The following WSB2 variants were observed in gnomAD, a reference collection of about 807,000 sequenced individuals.
WSB2 encodes WD repeat and SOCS box-containing protein 2.
A neutral mutation model predicts 48.8 loss-of-function variants in WSB2; 12 were observed. The observed-to-expected ratio is 0.25, with a 90% CI of 0.16 to 0.40. The LOEUF (loss-of-function observed/expected upper bound fraction) is 0.40. Among genes scored for constraint, WSB2 ranks in the 10% least tolerant of loss-of-function variants. WSB2 has a pLI of 1.00. For synonymous variants in WSB2, 191 were observed against 203.1 expected (o/e 0.94, Z 0.51); for missense variants, 317 against 506.2 (o/e 0.63, Z 3.59).
At chr12:118,050,512 G>A (rs548319382) in intron 2 of WSB2, among the ~76,000 whole-genome samples, 49 of 152,096 alleles carry the variant, frequency 3.2e-4, no homozygotes, top group East Asian at 1.5e-3. Context: ...ATGGTGGCGC[G>A]CCTGTAGTAT....
At chr12:118,061,006 G>A in intron 1 of WSB2, 30 bp downstream of exon 1, 1 of 973,616 alleles carries the variant, frequency 1.0e-6, no homozygotes, top group Non-Finnish European at 1.2e-6. Context: ...GCCCCGCCGG[G>A]CGGGAACGGG....
At chr12:118,044,830 C>T (rs1389010479) in intron 2 of WSB2, among the ~76,000 whole-genome samples, 1 of 152,184 alleles carries the variant, frequency 6.6e-6, no homozygotes, top group Non-Finnish European at 1.5e-5. Flanking sequence ...ACCCTGACCA[C>T]ACTCTGGTTG....
upstream of WSB2, chr12:118,061,289 G>C (rs1362739682): frequency 1.3e-6 from 1 of 759,364 alleles, no homozygotes; most frequent in Non-Finnish European, 1.6e-6. Flanking sequence ...TGAGGGAAAA[G>C]ATGGAAAATC....
rs763159456 is a variant in WSB2 at position 118,043,357 on chromosome 12, G to A, written c.203C>T (p.Ala68Val). Reference sequence around the variant, plus strand: ...CTCATTTTTGCTACTTCGGCTTTTGGCTTCAAACCCTTTAGGGATGCTGGG... The same window carrying A: ...CTCATTTTTGCTACTTCGGCTTTTGACTTCAAACCCTTTAGGGATGCTGGG... ...EEQFIPKGFE[A>V]KSRSSKNETK... is the part of the protein sequence containing the mutation. The change falls in exon 3 of 9, where the codon GCC (alanine) becomes GTC (valine). Residue 68 changes from alanine to valine, a missense_variant. Coordinates refer to ENST00000315436, the MANE Select transcript of WSB2 (RefSeq NM_018639.5). The A allele has an allele frequency of 6.3e-7, 1 of 1,576,252 alleles. No homozygotes were observed. Among genetic ancestry groups the A allele is most frequent in the Non-Finnish European group, 8.6e-7 (1 of 1,162,484 alleles).
chr12:118,046,290 A>G (rs534257926), intron 2 of WSB2, among the ~76,000 whole-genome samples: 170 of 151,962 alleles, frequency 1.1e-3, no homozygotes, highest in African/African-American at 4.0e-3. Context: ...GTGATACCCC[A>G]TCTCTACTAA....
intron 5 of WSB2, among the ~76,000 whole-genome samples, chr12:118,036,733 T>C (rs1315102976): frequency 6.6e-6 from 1 of 152,176 alleles, no homozygotes; most frequent in Non-Finnish European, 1.5e-5. Context: ...AGGAGCTCAC[T>C]ATAAGAGAGA....
chr12:118,059,592 C>G (rs962724916), intron 1 of WSB2, among the ~76,000 whole-genome samples: 8 of 152,154 alleles, frequency 5.3e-5, no homozygotes, highest in Admixed American at 3.9e-4. Flanking sequence ...TGCCCACACC[C>G]TCAAAACGAA....
At chr12:118,055,418 G>C (rs2031937198) in intron 1 of WSB2, among the ~76,000 whole-genome samples, 1 of 152,142 alleles carries the variant, frequency 6.6e-6, no homozygotes, top group African/African-American at 2.4e-5. Context: ...GACTGATCTA[G>C]AGAAACATTT....
chr12:118,058,826 A>G (rs1467344021), intron 1 of WSB2, among the ~76,000 whole-genome samples: 1 of 151,614 alleles, frequency 6.6e-6, no homozygotes, highest in Non-Finnish European at 1.5e-5. Flanking sequence ...CCTCCTGAGT[A>G]GCTGGGATTA....
intron 2 of WSB2, among the ~76,000 whole-genome samples, chr12:118,046,866 G>A (rs565517926): frequency 6.6e-6 from 1 of 152,248 alleles, no homozygotes; most frequent in Admixed American, 6.5e-5. Context: ...TGAACTCCAG[G>A]GCTCGAGCAG....
At position 118,061,037 on chromosome 12, in the gene WSB2, T is replaced by A; in HGVS notation, c.12A>T (p.Gly4=). ...ACGGGCGCGCCCGGCCCCACTCACC[T>A]CCGGCCTCCATGGAGGACGCGAGCG... MEA[G]EEPLLLAELK... is the part of the protein sequence containing the mutation. The change falls in exon 1 of 9, where the codon GGA becomes GGT. Residue 4 remains glycine, a splice_region_variant and synonymous_variant. Transcript: ENST00000315436. The A allele has an allele frequency of 2.0e-6, 2 of 979,222 alleles. No individual in the cohort carries two copies. The allele number at this position is 979,222 out of a possible 1,614,324, so 60.7% of individuals were successfully genotyped here. A position where few individuals can be genotyped will look rare whatever the true frequency, so the allele number is the denominator to read the frequency against.
At chr12:118,059,354 A>T (rs961341592) in intron 1 of WSB2, among the ~76,000 whole-genome samples, 4 of 152,120 alleles carry the variant, frequency 2.6e-5, no homozygotes, top group Non-Finnish European at 4.4e-5. Flanking sequence ...TAAATTACAT[A>T]CGTGGCTCAC....
intron 2 of WSB2, among the ~76,000 whole-genome samples, chr12:118,048,781 G>C (rs2137786937): frequency 6.6e-6 from 1 of 152,066 alleles, no homozygotes; most frequent in South Asian, 2.1e-4. Context: ...TTCAGAAATA[G>C]GATTTAAATT....
chr12:118,062,111 C>T (rs1015871855), upstream of WSB2: 1 of 1,535,312 alleles, frequency 6.5e-7, no homozygotes. Flanking sequence ...ACGGCGACAG[C>T]CTCGCCTGTC....
In WSB2 at chr12:118,035,101, G is replaced by A. The variant is rs2031476748; in HGVS notation, c.945-8C>T. 6.2e-7 allele frequency: 1 copy of A among 1,613,662 alleles called. No homozygotes were observed. ...GCCCAGATCCTGAGGAGTCTGGATG[G>A]GGAGAGAGAACATCTGGATATTAGC... On this transcript the variant is annotated splice_polypyrimidine_tract_variant and splice_region_variant and intron_variant, in intron 7 of 8. Transcript: ENST00000315436.
intron 1 of WSB2, among the ~76,000 whole-genome samples, chr12:118,057,180 CAAAA>C (rs2031972215): frequency 6.6e-6 from 1 of 152,084 alleles, no homozygotes; most frequent in African/African-American, 2.4e-5. Flanking sequence ...AACAAACAAA[CAAAA>C]ACAGAGCTGG....
At chr12:118,037,983 G>A in intron 5 of WSB2, 1 of 246,028 alleles carries the variant, frequency 4.1e-6, no homozygotes, top group South Asian at 1.1e-4. Context: ...TTCACATGTG[G>A]GCTGCAACTT....
In WSB2 at chr12:118,060,382, A is replaced by G. The variant is rs1483166072; in HGVS notation, c.13+654T>C. Among the ~76,000 whole-genome samples, 5 of 152,084 alleles carry G rather than the reference A, an allele frequency of 3.3e-5. No individual in the cohort carries two copies. The highest frequency in any genetic ancestry group is 5.9e-5 in the Non-Finnish European group (4 of 68,018). On this transcript the variant is annotated intron_variant, in intron 1 of 8. Transcript: ENST00000315436. The surrounding 1 kb of genome is among the most constrained non-coding windows in gnomAD (Gnocchi z 4.1). ...GTATCCTAAATTTGCCTGATCATAC[A>G]TGTCACCAGGGATCAGCGTCTCCAG...
rs2031674073 is a variant in WSB2 at position 118,043,122 on chromosome 12, G to A, written c.427+11C>T. ...CCTCCCAGAACCTTGTGCCAGCCAG[G>A]AATGACCTACCTGTCTGCACCTCCC... On this transcript the variant is annotated intron_variant, in intron 3 of 8. Transcript: ENST00000315436. The A allele has an allele frequency of 6.2e-7, 1 of 1,614,152 alleles. No homozygotes were observed. The highest frequency in any genetic ancestry group is 8.5e-7 in the Non-Finnish European group (1 of 1,180,006).
Sources: allele counts gnomAD v4.1 joint callset (sites outside exome capture counted in the v4.1 genomes callset), GRCh38; gene constraint gnomAD v4.1.1; non-coding constraint Gnocchi (gnomAD v3.1); transcripts MANE v1.5; gene names NCBI Gene and HGNC (gene_info 2026-07-23, HGNC 2026-07-21).